The following NCKAP1 variants were observed in gnomAD, a reference collection of about 807,000 sequenced individuals.
The protein encoded by NCKAP1 is nck-associated protein 1.
A neutral mutation model predicts 151.2 loss-of-function variants in NCKAP1; 21 were observed. The ratio of observed to expected loss-of-function variants is 0.14; its 90% CI spans 0.10 to 0.20. The LOEUF is 0.20. Among genes scored for constraint, NCKAP1 ranks in the 10% least tolerant of loss-of-function variants. NCKAP1 has a pLI of 1.00. For synonymous variants in NCKAP1, 484 were observed against 451.8 expected (o/e 1.07, Z -0.90); for missense variants, 933 against 1,352.1 (o/e 0.69, Z 4.86).
intron 24 of NCKAP1, among the ~76,000 whole-genome samples, chr2:182,939,684 T>C (rs1170115864): frequency 2.0e-5 from 3 of 152,032 alleles, no homozygotes; most frequent in African/African-American, 4.8e-5. Context: ...CAAAAACACA[T>C]TGACTTCTGG....
chr2:182,948,074 C>T (rs1320062723), intron 23 of NCKAP1, among the ~76,000 whole-genome samples: 2 of 151,980 alleles, frequency 1.3e-5, no homozygotes, highest in Non-Finnish European at 2.9e-5. Context: ...TTACAATTAA[C>T]CTTGTTTTGA....
chr2:182,965,076 G>T (rs1697537757), intron 16 of NCKAP1, among the ~76,000 whole-genome samples: 1 of 151,840 alleles, frequency 6.6e-6, no homozygotes, highest in Non-Finnish European at 1.5e-5. Flanking sequence ...TCAAAGCTAA[G>T]TCACTATAAA....
In NCKAP1 at chr2:183,001,956, G is replaced by A; in HGVS notation, c.600C>T (p.Ser200=). The stretch of plus-strand genomic sequence containing the variant: ...ATGCCTAACAACTGCCTCTTACCTT[G>A]CTATGGGGTACAAATTCTTCCATCA... ...KKMMEEFVPH[S]KSLSDALISL... is the part of the protein sequence containing the mutation. Residue 200 remains serine, a synonymous_variant, in exon 6 of 31, where the codon AGC becomes AGT. Coordinates refer to ENST00000361354, the MANE Select transcript of NCKAP1 (RefSeq NM_013436.5). 6.2e-7 allele frequency: 1 copy of A among 1,611,914 alleles called. No homozygotes were observed. Among genetic ancestry groups the A allele is most frequent in the Non-Finnish European group, 8.5e-7 (1 of 1,178,214 alleles).
chr2:182,956,052 T>C (rs1697320277), intron 20 of NCKAP1, among the ~76,000 whole-genome samples: 3 of 152,166 alleles, frequency 2.0e-5, no homozygotes, highest in Admixed American at 6.5e-5. Flanking sequence ...TCCCAGTTCA[T>C]TATTCTTGAG....
At chr2:182,969,219 TCAA>T (rs1160667142) in intron 15 of NCKAP1, among the ~76,000 whole-genome samples, 1 of 152,134 alleles carries the variant, frequency 6.6e-6, no homozygotes, top group African/African-American at 2.4e-5. Context: ...AAAACAAAGT[TCAA>T]CAAATTCAAA....
intron 10 of NCKAP1, among the ~76,000 whole-genome samples, chr2:182,985,711 G>A (rs1339216681): frequency 6.6e-6 from 1 of 151,510 alleles, no homozygotes; most frequent in Non-Finnish European, 1.5e-5. Flanking sequence ...GCTGAGGCAG[G>A]AGAATTGCTT....
chr2:182,981,502 G>T, intron 12 of NCKAP1, 126 bp from the exon 13 acceptor site: 1 of 566,598 alleles, frequency 1.8e-6, no homozygotes, highest in Non-Finnish European at 2.9e-6. Context: ...AATACTTAAT[G>T]TCAATTACTT....
At chr2:182,991,330 G>A (rs1183914513) in intron 8 of NCKAP1, among the ~76,000 whole-genome samples, 2 of 152,228 alleles carry the variant, frequency 1.3e-5, no homozygotes, top group African/African-American at 2.4e-5. Context: ...GGCCAAGACA[G>A]ATGGATCACT....
Position 183,030,430 on chromosome 2 carries a change from G to GC in NCKAP1, c.109-6515dup, listed in dbSNP as rs1185107736. 5.9e-5 allele frequency among the ~76,000 whole-genome samples: 9 copies of GC among 152,264 alleles called. No homozygotes were observed. In the East Asian group the frequency reaches 1.3e-3, roughly 23 times the overall value. ...TTTCTAGTACAATAATTGGAAAAAT[G>GC]CCAAAATAGGGAAGAACAAAATGAT... On this transcript the variant is annotated intron_variant, in intron 1 of 30. Coordinates refer to ENST00000361354, the MANE Select transcript of NCKAP1 (RefSeq NM_013436.5).
At chr2:182,972,473 G>A (rs924952665) in intron 15 of NCKAP1, among the ~76,000 whole-genome samples, 14 of 152,148 alleles carry the variant, frequency 9.2e-5, no homozygotes, top group Non-Finnish European at 1.9e-4. Context: ...CTGCAGGTGG[G>A]AATGTGAATT....
chr2:182,997,419 C>T (rs989283332), intron 6 of NCKAP1, among the ~76,000 whole-genome samples: 3 of 152,146 alleles, frequency 2.0e-5, no homozygotes, highest in African/African-American at 4.8e-5. Flanking sequence ...TGCCACATTC[C>T]AGAGGTTTCA....
chr2:182,952,426 T>C lies in NCKAP1; in HGVS notation c.2580A>G (p.Ser860=), dbSNP rs111993802. ...TTACCTTAAGTTCAGCAACTTGTGA[T>C]GAAATATGCCACATAAGGCTTTCAC... The part of the protein sequence containing the change: ...FLSESLMWHI[S]SQVAELKKLV... Residue 860 remains serine (S), a synonymous_variant, in exon 23 of 31, where the codon TCA becomes TCG. Transcript: ENST00000361354. 2,868 of 1,607,852 alleles carry C rather than the reference T, an allele frequency of 1.8e-3. 43 individuals are homozygous for C. In the African/African-American group the frequency reaches 0.032, roughly 18 times the overall value.
At chr2:182,983,222 C>T (rs2105854917) in intron 11 of NCKAP1, 64 bp downstream of exon 11, 4 of 1,312,494 alleles carry the variant, frequency 3.0e-6, no homozygotes, top group Non-Finnish European at 4.3e-6. Flanking sequence ...TAAAATTTCA[C>T]TTAGAAACGT....
Position 182,922,265 on chromosome 2 carries a change from A to C in NCKAP1, c.*3437T>G, listed in dbSNP as rs997912097. 2 of 152,242 alleles carry C rather than the reference A, an allele frequency of 1.3e-5. No individual in the cohort carries two copies. Among genetic ancestry groups the C allele is most frequent in the African/African-American group, 4.8e-5 (2 of 41,470 alleles). The allele number at this position is 152,242 out of a possible 1,614,324, so 9.4% of individuals were successfully genotyped here. A position where few individuals can be genotyped will look rare whatever the true frequency, so the allele number is the denominator to read the frequency against. ...TTACAGAATTTGGGCTTCATTTAGA[A>C]GGCCTGATGGTGTACAACAGACTTT... On this transcript the variant is annotated 3_prime_UTR_variant, in exon 31 of 31. Coordinates refer to ENST00000361354, the MANE Select transcript of NCKAP1 (RefSeq NM_013436.5).
At chr2:183,026,487 TAA>T (rs58384257) in intron 1 of NCKAP1, among the ~76,000 whole-genome samples, 19 of 92,926 alleles carry the variant, frequency 2.0e-4, no homozygotes, top group Non-Finnish European at 2.6e-4. Flanking sequence ...AACTAAAAAC[TAA>T]AAAAAAAAAA....
chr2:182,915,721 T>A lies in NCKAP1; in HGVS notation c.*9981A>T, dbSNP rs879479544. On this transcript the variant is annotated 3_prime_UTR_variant, in exon 31 of 31. Transcript: ENST00000361354. ...AAAGGGGTAAGATTACAGTTAAGTG[T>A]CTCACAGCTCCTGTCTTTTCTATGA... is the stretch of plus-strand genomic sequence containing the variant. The A allele has an allele frequency of 6.6e-6, 1 of 152,096 alleles. No homozygotes were observed. Among genetic ancestry groups the A allele is most frequent in the Non-Finnish European group, 1.5e-5 (1 of 68,010 alleles). The allele number at this position is 152,096 out of a possible 1,614,324, so 9.4% of individuals were successfully genotyped here. A position where few individuals can be genotyped will look rare whatever the true frequency, so the allele number is the denominator to read the frequency against.
In NCKAP1 at chr2:182,953,265, T is replaced by G. The variant is rs767763022; in HGVS notation, c.2220A>C (p.Leu740=). ...TQEIAKPSEL[L]TSVRAYMTVL... ...CGGTCATGTATGCTCTTACACTTGT[T>G]AGAAGTTCTGAAGGTTTTGCAATTT... is the stretch of plus-strand genomic sequence containing the variant. Residue 740 remains leucine, a synonymous_variant, in exon 21 of 31, where the codon CTA becomes CTC. Coordinates refer to ENST00000361354, the MANE Select transcript of NCKAP1 (RefSeq NM_013436.5). 1 of 1,613,744 alleles carries G rather than the reference T, an allele frequency of 6.2e-7. No homozygotes were observed. The highest frequency in any genetic ancestry group is 1.7e-5 in the Admixed American group (1 of 60,010).
intron 8 of NCKAP1, among the ~76,000 whole-genome samples, chr2:182,994,358 C>A (rs1372527581): frequency 6.6e-6 from 1 of 152,052 alleles, no homozygotes; most frequent in Non-Finnish European, 1.5e-5. Flanking sequence ...GACTACCTGG[C>A]CGGGTGCAGT....
chr2:183,023,015 C>T (rs1393085851), intron 2 of NCKAP1: 1 of 151,824 alleles, frequency 6.6e-6, no homozygotes, highest in East Asian at 1.9e-4. Flanking sequence ...TTATGAAGAT[C>T]ATATGTGAGA....
Sources: allele counts gnomAD v4.1 joint callset (sites outside exome capture counted in the v4.1 genomes callset), GRCh38; gene constraint gnomAD v4.1.1; transcripts MANE v1.5; gene names NCBI Gene and HGNC (gene_info 2026-07-23, HGNC 2026-07-21).